Variants in BATF3 observed in about 807,000 individuals in gnomAD.
BATF3 encodes basic leucine zipper transcriptional factor ATF-like 3.
BATF3 carries 8 observed loss-of-function variants against 16.1 expected under a neutral mutation model. The ratio of observed to expected loss-of-function variants is 0.50; its 90% CI spans 0.29 to 0.90. BATF3 has a LOEUF of 0.90. BATF3 is among the 40% of genes least tolerant of loss of function. The probability of loss-of-function intolerance (pLI) is 0.08; values close to 1 mark genes in which losing one functional copy is unlikely to be tolerated. For synonymous variants in BATF3, 74 were observed against 72.7 expected (o/e 1.02, Z -0.09); for missense variants, 139 against 167.0 (o/e 0.83, Z 0.92).
chr1:212,691,078 G>A (rs1442488906), intron 2 of BATF3, among the ~76,000 whole-genome samples: 1 of 152,170 alleles, frequency 6.6e-6, no homozygotes, highest in Admixed American at 6.5e-5. Context: ...ACAGTGTTGA[G>A]GCTGAGAAAC....
chr1:212,693,241 G>A (rs1286499301), intron 2 of BATF3, among the ~76,000 whole-genome samples: 1 of 152,228 alleles, frequency 6.6e-6, no homozygotes, highest in Non-Finnish European at 1.5e-5. Flanking sequence ...CTCACGTGGT[G>A]AGTAATGATT....
chr1:212,689,892 AAC>A lies in BATF3; in HGVS notation c.196-2915_196-2914del, dbSNP rs1442692269. On this transcript the variant is annotated intron_variant, in intron 2 of 2. Transcript: ENST00000243440. The surrounding 1 kb of genome is among the most constrained non-coding windows in gnomAD (Gnocchi z 4.6). The stretch of plus-strand genomic sequence containing the variant: ...ACACACAGTCACACACACATCTGCA[AAC>A]ACACTCTCATACCCAGCCACAGACA... 1.3e-5 allele frequency among the ~76,000 whole-genome samples: 2 copies of A among 150,808 alleles called. No homozygotes were observed. Among genetic ancestry groups the A allele is most frequent in the Admixed American group, 6.6e-5 (1 of 15,132 alleles).
chr1:212,695,287 G>C (rs1475382106), intron 2 of BATF3, among the ~76,000 whole-genome samples: 1 of 152,086 alleles, frequency 6.6e-6, no homozygotes, highest in South Asian at 2.1e-4. Context: ...GAGGTGAGGA[G>C]TTCGAGACCA....
In BATF3 at chr1:212,689,356, C is replaced by G. The variant is rs1457545590; in HGVS notation, c.196-2377G>C. ...AGAACCAAGGGGTCTGGCGGGGCTG[C>G]CTGTAGGGTCTATCTGAGCCATTCC... On this transcript the variant is annotated intron_variant, in intron 2 of 2. Coordinates refer to ENST00000243440, the MANE Select transcript of BATF3 (RefSeq NM_018664.3). This position sits in a 1 kb window ranked among gnomAD's most constrained non-coding sequence, Gnocchi z 4.6. Among the ~76,000 whole-genome samples, 7 of 152,126 alleles carry G rather than the reference C, an allele frequency of 4.6e-5. No individual in the cohort carries two copies. The highest frequency in any genetic ancestry group is 1.7e-4 in the African/African-American group (7 of 41,416).
Position 212,686,750 on chromosome 1 carries a change from A to G in BATF3, c.*41T>C. On this transcript the variant is annotated 3_prime_UTR_variant, in exon 3 of 3. Transcript: ENST00000243440. Reference sequence around the variant, plus strand: ...AAAAGCCTTCCTCCCAGGTATGAAAATGACCAAGGCTCCTTGCTGGGCAGA... The same window carrying G: ...AAAAGCCTTCCTCCCAGGTATGAAAGTGACCAAGGCTCCTTGCTGGGCAGA... The G allele has an allele frequency of 1.3e-6, 2 of 1,582,628 alleles. No homozygotes were observed. The highest frequency in any genetic ancestry group is 4.5e-5 in the East Asian group (2 of 44,300).
At chr1:212,687,996 A>AAAGAAAGAAAGGAAGGAAGG (rs1274002817) in intron 2 of BATF3, among the ~76,000 whole-genome samples, 2 of 101,334 alleles carry the variant, frequency 2.0e-5, no homozygotes, top group Admixed American at 1.0e-4. Context: ...AGAAAGAAAG[A>AAAGAAAGAAAGGAAGGAAGG]AAGGAAGGAA....
At chr1:212,690,099 T>A (rs1454081932) in intron 2 of BATF3, among the ~76,000 whole-genome samples, 2 of 152,128 alleles carry the variant, frequency 1.3e-5, no homozygotes, top group Admixed American at 6.5e-5. Context: ...CACTCCACCC[T>A]GCAGCAGGAA....
rs376737808 is a variant in BATF3, at chr1:212,691,928, G to A, written c.196-4949C>T. On this transcript the variant is annotated intron_variant, in intron 2 of 2. Transcript: ENST00000243440. ...GATGAATGCAGGTCGAAATCCCCAC[G>A]GGAGGTGTGAGCGGGTTGAAGGGAT... Among the ~76,000 whole-genome samples the A allele has an allele frequency of 1.7e-4, 26 of 152,338 alleles. No homozygotes were observed. In the South Asian group the frequency reaches 5.0e-3, roughly 29 times the overall value.
At position 212,686,563 on chromosome 1, in the gene BATF3, T is replaced by C. The variant is rs1656853605; in HGVS notation, c.*228A>G. On this transcript the variant is annotated 3_prime_UTR_variant, in exon 3 of 3. Transcript: ENST00000243440. ...GCTGCCAGGGTGGATGAGAAGTCAC[T>C]CCTGAGGGTGGCCTCCATGCTGGAT... 8.4e-6 allele frequency: 5 copies of C among 593,724 alleles called. No homozygotes were observed. In the South Asian group the frequency reaches 1.4e-4, roughly 17 times the overall value. 36.8% of individuals were successfully genotyped at this position (593,724 alleles called of 1,614,324 possible).
At position 212,699,256 on chromosome 1, in the gene BATF3, A is replaced by ACCCC. The variant is rs57901499; in HGVS notation, c.90+413_90+416dup. Among the ~76,000 whole-genome samples, 1,590 of 151,076 alleles carry ACCCC rather than the reference A, an allele frequency of 0.011. 9 individuals are homozygous for ACCCC. Among genetic ancestry groups the ACCCC allele is most frequent in the African/African-American group, 0.023 (958 of 41,142 alleles). On this transcript the variant is annotated intron_variant, in intron 1 of 2. Transcript: ENST00000243440. The surrounding 1 kb of genome is among the most constrained non-coding windows in gnomAD (Gnocchi z 4.4). ...CGGCGTTCTCCATTCCCGCGGCAGC[A>ACCCC]CCCCCCCCACCCGGGGGAATCCTGG...
chr1:212,694,788 T>C (rs747647683), intron 2 of BATF3, among the ~76,000 whole-genome samples: 1 of 152,246 alleles, frequency 6.6e-6, no homozygotes, highest in Non-Finnish European at 1.5e-5. Context: ...GTGGAAATTC[T>C]TCAGAACAAA....
chr1:212,690,374 G>A (rs186769418), intron 2 of BATF3, among the ~76,000 whole-genome samples: 2 of 152,164 alleles, frequency 1.3e-5, no homozygotes, highest in African/African-American at 2.4e-5. Flanking sequence ...AGAGCCGCCC[G>A]ACAGGTGCCC....
intron 2 of BATF3, among the ~76,000 whole-genome samples, chr1:212,691,977 C>G (rs1046526895): frequency 2.6e-5 from 4 of 152,262 alleles, no homozygotes; most frequent in African/African-American, 4.8e-5. Context: ...ACAGTGGACT[C>G]TGAGGTCTAC....
intron 2 of BATF3, among the ~76,000 whole-genome samples, chr1:212,688,589 C>T (rs1656919859): frequency 6.6e-6 from 1 of 152,220 alleles, no homozygotes; most frequent in Non-Finnish European, 1.5e-5. Flanking sequence ...CTTTTGGAAT[C>T]TCAATTGCAT....
rs1656959475 is a variant in BATF3 at position 212,689,897 on chromosome 1, ACT to A, written c.196-2920_196-2919del. On this transcript the variant is annotated intron_variant, in intron 2 of 2. Coordinates refer to ENST00000243440, the MANE Select transcript of BATF3 (RefSeq NM_018664.3). The surrounding 1 kb of genome is among the most constrained non-coding windows in gnomAD (Gnocchi z 4.6). ...CAGTCACACACACATCTGCAAACAC[ACT>A]CTCATACCCAGCCACAGACACTCTC... 6.6e-6 allele frequency among the ~76,000 whole-genome samples: 1 copy of A among 150,684 alleles called. No homozygotes were observed. Among genetic ancestry groups the A allele is most frequent in the African/African-American group, 2.5e-5 (1 of 40,760 alleles).
intron 2 of BATF3, among the ~76,000 whole-genome samples, chr1:212,687,232 A>G (rs902519141): frequency 6.6e-6 from 1 of 152,178 alleles, no homozygotes; most frequent in African/African-American, 2.4e-5. Context: ...AGTTTTGACA[A>G]ATGTATACAC....
In BATF3 at chr1:212,686,418, C is replaced by A. The variant is rs183945055; in HGVS notation, c.*373G>T. ...CCAGAGAAGACAGAAGACGACCTCT[C>A]CAGGAAAAGGAAGTGTATTGTGCCT... On this transcript the variant is annotated 3_prime_UTR_variant, in exon 3 of 3. Transcript: ENST00000243440. 2 of 192,592 alleles carry A rather than the reference C, an allele frequency of 1.0e-5. No individual in the cohort carries two copies. Among genetic ancestry groups the A allele is most frequent in the Non-Finnish European group, 1.1e-5 (1 of 91,876 alleles). The allele number at this position is 192,592 out of a possible 1,614,324, so 11.9% of individuals were successfully genotyped here. A position where few individuals can be genotyped will look rare whatever the true frequency, so the allele number is the denominator to read the frequency against.
chr1:212,690,062 A>C (rs1007660110), intron 2 of BATF3, among the ~76,000 whole-genome samples: 8 of 151,684 alleles, frequency 5.3e-5, no homozygotes, highest in African/African-American at 1.7e-4. Context: ...CCCCACATTC[A>C]CATTCACATA....
rs1230058653 is a variant in BATF3, at chr1:212,699,235, G to T, written c.90+438C>A. On this transcript the variant is annotated intron_variant, in intron 1 of 2. Coordinates refer to ENST00000243440, the MANE Select transcript of BATF3 (RefSeq NM_018664.3). The surrounding 1 kb of genome is among the most constrained non-coding windows in gnomAD (Gnocchi z 4.4). ...CTCCGCCCAGGCTGACTAGTCCGGC[G>T]TTCTCCATTCCCGCGGCAGCACCCC... Among the ~76,000 whole-genome samples the T allele has an allele frequency of 1.3e-5, 2 of 151,182 alleles. No homozygotes were observed. Among genetic ancestry groups the T allele is most frequent in the South Asian group, 4.2e-4 (2 of 4,768 alleles).
Sources: allele counts gnomAD v4.1 joint callset (sites outside exome capture counted in the v4.1 genomes callset), GRCh38; gene constraint gnomAD v4.1.1; non-coding constraint Gnocchi (gnomAD v3.1); transcripts MANE v1.5; gene names NCBI Gene and HGNC (gene_info 2026-07-23, HGNC 2026-07-21).